Variants in FBXW7 observed in about 807,000 individuals in gnomAD.
FBXW7 encodes F-box/WD repeat-containing protein 7.
FBXW7 carries 11 observed loss-of-function variants against 86.3 expected under a neutral mutation model. The observed-to-expected ratio is 0.13, with a 90% CI of 0.08 to 0.21. FBXW7 has a LOEUF of 0.21. FBXW7 is among the 10% of genes least tolerant of loss of function. The pLI, the probability that FBXW7 is intolerant of heterozygous loss-of-function variation, is 1.00. For missense variants in FBXW7, 488 were observed against 847.4 expected (o/e 0.58, Z 5.27); for synonymous variants, 313 against 297.9 (o/e 1.05, Z -0.52).
At chr4:152,489,322 A>G (rs912813309) in intron 2 of FBXW7, 1 of 154,454 alleles carries the variant, frequency 6.5e-6, no homozygotes, top group African/African-American at 2.4e-5. Flanking sequence ...GTTTTTTAGA[A>G]AAGTCACTCC....
chr4:152,382,182 G>C, intron 4 of FBXW7: 1 of 1,548,150 alleles, frequency 6.5e-7, no homozygotes, highest in Non-Finnish European at 8.7e-7. Flanking sequence ...AAATGTGTGA[G>C]ACTTACCCGT....
chr4:152,325,933 A>T (rs963662952), intron 12 of FBXW7, 73 bp downstream of exon 12: 2 of 1,245,022 alleles, frequency 1.6e-6, no homozygotes, highest in Non-Finnish European at 2.3e-6. Context: ...CAGCAATTTG[A>T]CAGTGATTAT....
At chr4:152,429,090 C>T (rs897252515) in intron 2 of FBXW7, among the ~76,000 whole-genome samples, 5 of 151,948 alleles carry the variant, frequency 3.3e-5, no homozygotes, top group South Asian at 2.1e-4. Context: ...CTTGGGAGGC[C>T]GAGGCAGGAG....
chr4:152,344,318 A>C (rs1414560116), intron 6 of FBXW7, among the ~76,000 whole-genome samples: 5 of 152,188 alleles, frequency 3.3e-5, no homozygotes, highest in Non-Finnish European at 5.9e-5. Context: ...GGTACTCAAA[A>C]GATGAAGGTC....
intron 4 of FBXW7, among the ~76,000 whole-genome samples, chr4:152,352,259 A>C (rs1230090893): frequency 6.6e-6 from 1 of 152,148 alleles, no homozygotes; most frequent in Admixed American, 6.6e-5. Context: ...TCTCAGATTA[A>C]AATATACATT....
chr4:152,393,669 T>C (rs886739048), intron 4 of FBXW7, among the ~76,000 whole-genome samples: 5 of 152,146 alleles, frequency 3.3e-5, no homozygotes, highest in African/African-American at 9.7e-5. Context: ...GAATAACTGT[T>C]GGCACTTACT....
chr4:152,374,752 A>T (rs987079271), intron 4 of FBXW7, among the ~76,000 whole-genome samples: 1 of 152,082 alleles, frequency 6.6e-6, no homozygotes, highest in Admixed American at 6.6e-5. Flanking sequence ...GCAATAATTG[A>T]GGACAACAGT....
intron 2 of FBXW7, among the ~76,000 whole-genome samples, chr4:152,527,997 CGTTT>C (rs1173363730): frequency 6.6e-6 from 1 of 151,832 alleles, no homozygotes; most frequent in Non-Finnish European, 1.5e-5. Context: ...TTGACGGGTT[CGTTT>C]AAGATGCTGT....
In FBXW7 at chr4:152,407,797, T is replaced by A. The variant is rs2714799; in HGVS notation, c.501+3506A>T. Among the ~76,000 whole-genome samples the A allele has an allele frequency of 4.1e-3, 622 of 152,156 alleles. 3 individuals carry two copies. The highest frequency in any genetic ancestry group is 6.7e-3 in the Non-Finnish European group (458 of 67,998). ...CCAGATCACTGCAGCCTCAACCTCCTGGGCCCAAATGATCCTCCAACCTCA... is the reference window on the plus strand; with the variant it reads ...CCAGATCACTGCAGCCTCAACCTCCAGGGCCCAAATGATCCTCCAACCTCA... On this transcript the variant is annotated intron_variant, in intron 4 of 13. Coordinates refer to ENST00000281708, the MANE Select transcript of FBXW7 (RefSeq NM_001349798.2).
At chr4:152,488,455 TA>T (rs1226551414) in intron 2 of FBXW7, among the ~76,000 whole-genome samples, 1 of 152,106 alleles carries the variant, frequency 6.6e-6, no homozygotes, top group African/African-American at 2.4e-5. Flanking sequence ...CCTAGGCCAA[TA>T]AAGCGATTCG....
intron 2 of FBXW7, among the ~76,000 whole-genome samples, chr4:152,460,445 T>C (rs183322695): frequency 7.2e-5 from 11 of 152,350 alleles, no homozygotes; most frequent in Non-Finnish European, 1.5e-4. Context: ...CTCCTGTAGA[T>C]GGTACTTGCC....
Position 152,347,072 on chromosome 4 carries a change from CT to C in FBXW7, c.585-2del. On this transcript the variant is annotated splice_acceptor_variant, in intron 5 of 13. Coordinates refer to ENST00000281708, the MANE Select transcript of FBXW7 (RefSeq NM_001349798.2). LOFTEE classifies it high-confidence loss of function. ...TGAACATGGTACAAGCCCAGTGGTA[CT>C]ACAAAAAAAAAAAAAAGAGAGAGAG... 1.3e-5 allele frequency: 18 copies of C among 1,428,832 alleles called. No individual in the cohort carries two copies. The highest frequency in any genetic ancestry group is 5.2e-5 in the East Asian group (2 of 38,770). The allele number at this position is 1,428,832 out of a possible 1,614,324, so 88.5% of individuals were successfully genotyped here.
At chr4:152,368,456 A>C (rs1020699572) in intron 4 of FBXW7, among the ~76,000 whole-genome samples, 29 of 152,122 alleles carry the variant, frequency 1.9e-4, no homozygotes, top group Non-Finnish European at 2.9e-5. Context: ...TAACACAGAA[A>C]TAACAAGAAC....
intron 4 of FBXW7, among the ~76,000 whole-genome samples, chr4:152,383,700 T>C (rs1051954278): frequency 2.6e-4 from 40 of 152,140 alleles, no homozygotes; most frequent in African/African-American, 8.0e-4. Flanking sequence ...AAGTTAGAAA[T>C]GGGTGATTTC....
intron 10 of FBXW7, among the ~76,000 whole-genome samples, 166 bp downstream of exon 10, chr4:152,329,506 T>C (rs564943844): frequency 3.6e-4 from 54 of 152,060 alleles, no homozygotes; most frequent in African/African-American, 1.3e-3. Flanking sequence ...CCTCATGCCA[T>C]TGGCTTTCAT....
chr4:152,509,207 G>A (rs1460565754), intron 2 of FBXW7, among the ~76,000 whole-genome samples: 1 of 152,170 alleles, frequency 6.6e-6, no homozygotes, highest in African/African-American at 2.4e-5. Flanking sequence ...GAAAATGGGT[G>A]AAATCTGAAT....
At chr4:152,453,398 C>T (rs949497659) in intron 2 of FBXW7, among the ~76,000 whole-genome samples, 6 of 152,126 alleles carry the variant, frequency 3.9e-5, no homozygotes, top group Non-Finnish European at 7.3e-5. Context: ...ATGTCTTCTA[C>T]AACTCTGGTT....
chr4:152,454,251 G>GCT (rs1365727981), intron 2 of FBXW7, among the ~76,000 whole-genome samples: 1 of 100,108 alleles, frequency 1.0e-5, no homozygotes, highest in African/African-American at 4.1e-5. Flanking sequence ...AACTCTCTAA[G>GCT]CCCCCCCCCC....
chr4:152,482,689 G>C (rs1344407600), intron 2 of FBXW7, among the ~76,000 whole-genome samples: 1 of 152,142 alleles, frequency 6.6e-6, no homozygotes, highest in African/African-American at 2.4e-5. Flanking sequence ...AGACAGAACA[G>C]GGTGGGGGGA....
Sources: gnomAD v4.1 joint callset for allele counts (sites outside exome capture counted in the v4.1 genomes callset) on GRCh38, gnomAD v4.1.1 for gene constraint, MANE v1.5 for transcripts, NCBI Gene and HGNC (gene_info 2026-07-23, HGNC 2026-07-21) for gene names.